Variants in PEX5 observed in about 807,000 individuals in gnomAD.
PEX5 encodes the protein PTS1 receptor.
Under a neutral mutation model 82.9 loss-of-function variants are expected in PEX5, and 52 were observed. The observed-to-expected ratio is 0.63, with a 90% CI of 0.50 to 0.79. The LOEUF is 0.79. Among genes scored for constraint, PEX5 ranks in the 30% least tolerant of loss-of-function variants. PEX5 has a pLI of 0.00. For missense variants in PEX5, 719 were observed against 815.2 expected (o/e 0.88, Z 1.44); for synonymous variants, 300 against 318.8 (o/e 0.94, Z 0.63).
At position 7,203,181 on chromosome 12, in the gene PEX5, ATGCACTGCAC is replaced by A. The variant is rs752693758; in HGVS notation, c.847-219_847-210del. On this transcript the variant is annotated intron_variant, in intron 9 of 15. Transcript: ENST00000675855. Reference sequence around the variant, plus strand: ...CTCAAACAAAAAACTAAACTAAACTATGCACTGCACTGCACTGCACTGCACTGCACTGCAC... The same window carrying A: ...CTCAAACAAAAAACTAAACTAAACTATGCACTGCACTGCACTGCACTGCAC... 6.6e-3 allele frequency among the ~76,000 whole-genome samples: 546 copies of A among 82,662 alleles called. 104 individuals are homozygous for A. The highest frequency in any genetic ancestry group is 0.016 in the African/African-American group (460 of 28,194). The allele number at this position is 82,662 out of a possible 152,430, so 54.2% of individuals were successfully genotyped here.
intron 5 of PEX5, among the ~76,000 whole-genome samples, chr12:7,193,940 A>G (rs1242306137): frequency 1.3e-5 from 2 of 152,188 alleles, no homozygotes; most frequent in African/African-American, 4.8e-5. Context: ...ATGGGAGTTG[A>G]GCTGTTTGAA....
upstream of PEX5, chr12:7,189,650 T>G (rs1565666369): frequency 3.0e-6 from 1 of 337,784 alleles, no homozygotes; most frequent in Non-Finnish European, 5.3e-6. Context: ...TCACGGCCCC[T>G]TTAAGCCTGA....
intron 5 of PEX5, among the ~76,000 whole-genome samples, chr12:7,196,172 CATTAT>C (rs960416371): frequency 1.4e-5 from 2 of 141,468 alleles, no homozygotes; most frequent in African/African-American, 2.6e-5. Context: ...GTATTTATTA[CATTAT>C]ATATTATATA....
chr12:7,208,029 C>T lies in PEX5; in HGVS notation c.1130C>T (p.Thr377Ile), dbSNP rs765924785. The T allele has an allele frequency of 1.2e-6, 2 of 1,613,312 alleles. No individual in the cohort carries two copies. The highest frequency in any genetic ancestry group is 1.7e-6 in the Non-Finnish European group (2 of 1,179,336). The stretch of plus-strand genomic sequence containing the variant: ...CTCTAGGCTTGGCAGTATCTGGGTA[C>T]CACCCAGGCAGAGAATGAACAAGAA... ...KHMEAWQYLG[T>I]TQAENEQELL... is the part of the protein sequence containing the mutation. Residue 377 changes from threonine (T) to isoleucine (I), a missense_variant, in exon 12 of 16, where the codon ACC becomes ATC. Transcript: ENST00000675855.
intron 13 of PEX5, among the ~76,000 whole-genome samples, 161 bp downstream of exon 13, chr12:7,208,830 C>T (rs1591797933): frequency 6.6e-6 from 1 of 152,214 alleles, no homozygotes; most frequent in East Asian, 1.9e-4. Flanking sequence ...TTCTACAGTT[C>T]AGTGCTAGGA....
chr12:7,208,158 T>G, intron 12 of PEX5, 78 bp downstream of exon 12: 1 of 1,067,922 alleles, frequency 9.4e-7, no homozygotes, highest in South Asian at 1.3e-5. Flanking sequence ...AGCCCAGACC[T>G]GGATCCTTGT....
chr12:7,205,229 T>G (rs1944615221), intron 10 of PEX5, among the ~76,000 whole-genome samples: 1 of 152,252 alleles, frequency 6.6e-6, no homozygotes, highest in Non-Finnish European at 1.5e-5. Context: ...TCATTGATAC[T>G]TTGGGATATT....
Position 7,197,086 on chromosome 12 carries a change from A to T in PEX5, c.449-1925A>T, listed in dbSNP as rs1942566879. Among the ~76,000 whole-genome samples the T allele has an allele frequency of 4.1e-5, 2 of 49,362 alleles. 1 individual carries two copies. The highest frequency in any genetic ancestry group is 9.5e-5 in the Non-Finnish European group (2 of 20,964). 32.4% of individuals were successfully genotyped at this position (49,362 alleles called of 152,430 possible). A position where few individuals can be genotyped will look rare whatever the true frequency, so the allele number is the denominator to read the frequency against. On this transcript the variant is annotated intron_variant, in intron 5 of 15. Transcript: ENST00000675855. ...CACATATAATGTAATTATATATGTC[A>T]CATATAATGTAATTATATATGTCAT...
At chr12:7,213,747 G>C (rs1204391706), downstream of PEX5, among the ~76,000 whole-genome samples, 1 of 150,350 alleles carries the variant, frequency 6.7e-6, no homozygotes, top group Non-Finnish European at 1.5e-5. Context: ...AAACTAAAGA[G>C]CTTCTGCACA....
exon 18 of PEX5, chr12:7,218,473 T>C (rs189905820): frequency 1.5e-4 from 23 of 152,372 alleles, no homozygotes; most frequent in Admixed American, 1.1e-3. Flanking sequence ...TGAACTCATA[T>C]TGGATTCTCT....
chr12:7,189,651 T>G (rs1940499826), upstream of PEX5: 2 of 335,382 alleles, frequency 6.0e-6, no homozygotes, highest in Non-Finnish European at 1.1e-5. Flanking sequence ...CACGGCCCCT[T>G]TAAGCCTGAG....
chr12:7,202,408 G>A (rs1944204124), intron 8 of PEX5, 57 bp downstream of exon 8: 2 of 1,600,784 alleles, frequency 1.2e-6, no homozygotes, highest in African/African-American at 2.7e-5. Context: ...CCCAGGCCAT[G>A]GGTTCAGTGG....
chr12:7,197,244 A>ATATGTCATATGTAATAAT (rs1565687395), intron 5 of PEX5, among the ~76,000 whole-genome samples: 2 of 15,974 alleles, frequency 1.3e-4, no homozygotes, highest in Non-Finnish European at 1.7e-4. Context: ...TGTAATAATT[A>ATATGTCATATGTAATAAT]TATGTCATAT....
chr12:7,189,804 C>T (rs1482305869), intron 1 of PEX5, 54 bp downstream of exon 1: 12 of 783,056 alleles, frequency 1.5e-5, no homozygotes, highest in East Asian at 3.4e-5. Context: ...CCCTCCCCAC[C>T]CTTGCGGTGG....
chr12:7,198,102 G>GT, intron 5 of PEX5, among the ~76,000 whole-genome samples: 1 of 152,214 alleles, frequency 6.6e-6, no homozygotes, highest in East Asian at 1.9e-4. Flanking sequence ...ATGAAAAACA[G>GT]TTCAGCACCC....
chr12:7,190,949 C>A lies in PEX5; in HGVS notation c.183+26C>A, dbSNP rs1187017506. 1.9e-6 allele frequency: 3 copies of A among 1,605,120 alleles called. No individual in the cohort carries two copies. The Admixed American group carries it at 5.0e-5, about 27-fold the overall frequency. On this transcript the variant is annotated intron_variant, in intron 3 of 15. Transcript: ENST00000675855. ...GTAAATAGACCAGTCTCTTTTCTGT[C>A]CCATTTTTCTCTTGCCCACTGTGTT...
At chr12:7,198,436 T>G (rs1268382485) in intron 5 of PEX5, among the ~76,000 whole-genome samples, 2 of 152,146 alleles carry the variant, frequency 1.3e-5, no homozygotes, top group Non-Finnish European at 2.9e-5. Context: ...AATTAAAAAA[T>G]GAAAAAACCC....
upstream of PEX5, chr12:7,189,256 C>G (rs1184686332): frequency 6.6e-6 from 1 of 152,278 alleles, no homozygotes; most frequent in East Asian, 1.9e-4. Context: ...GGTGTTAGGG[C>G]TTTTCTCTTT....
chr12:7,193,433 C>T (rs1941531316), intron 5 of PEX5, among the ~76,000 whole-genome samples: 1 of 152,030 alleles, frequency 6.6e-6, no homozygotes, highest in Non-Finnish European at 1.5e-5. Context: ...AGGGTTTCAC[C>T]ATGTTGGCCA....
Sources: gnomAD v4.1 joint callset for allele counts (sites outside exome capture counted in the v4.1 genomes callset) on GRCh38, gnomAD v4.1.1 for gene constraint, MANE v1.5 for transcripts, NCBI Gene and HGNC (gene_info 2026-07-23, HGNC 2026-07-21) for gene names.